HMCN1: variants seen among roughly 807,000 people sequenced by gnomAD.
The protein encoded by HMCN1 is hemicentin-1.
A neutral mutation model predicts 625.9 loss-of-function variants in HMCN1; 321 were observed. The ratio of observed to expected loss-of-function variants is 0.51; its 90% confidence interval spans 0.47 to 0.56. The LOEUF is 0.56. Among genes scored for constraint, HMCN1 ranks in the 20% least tolerant of loss-of-function variants. The probability of loss-of-function intolerance (pLI) is 0.00; values close to 1 mark genes in which losing one functional copy is unlikely to be tolerated. For synonymous variants in HMCN1, 2,425 were observed against 2,417.6 expected (o/e 1.00, Z -0.09); for missense variants, 6,588 against 6,887.3 (o/e 0.96, Z 1.54).
At chr1:186,063,493 G>A (rs868513165) in intron 48 of HMCN1, among the ~76,000 whole-genome samples, 4 of 143,414 alleles carry the variant, frequency 2.8e-5, no homozygotes, top group Non-Finnish European at 6.1e-5. Flanking sequence ...AAGGAAGGAA[G>A]GAAGGAAGGA....
intron 1 of HMCN1, among the ~76,000 whole-genome samples, chr1:185,841,555 T>C (rs1393327117): frequency 3.3e-5 from 5 of 152,168 alleles, no homozygotes; most frequent in Admixed American, 3.3e-4. Context: ...TCTTCTTTCT[T>C]TTTATTTTCC....
chr1:185,743,643 T>C (rs1277819139), intron 1 of HMCN1, among the ~76,000 whole-genome samples: 2 of 152,244 alleles, frequency 1.3e-5, no homozygotes, highest in Non-Finnish European at 2.9e-5. Context: ...ACAGGGATTC[T>C]CAACCTTGGT....
At chr1:186,067,610 G>GT (rs1340545354) in intron 49 of HMCN1, among the ~76,000 whole-genome samples, 9 of 151,820 alleles carry the variant, frequency 5.9e-5, no homozygotes, top group Non-Finnish European at 1.0e-4. Context: ...CTACATTGTG[G>GT]TTTTTTTATG....
chr1:186,127,802 A>C (rs111420529), intron 82 of HMCN1, among the ~76,000 whole-genome samples: 4 of 152,162 alleles, frequency 2.6e-5, no homozygotes, highest in Non-Finnish European at 4.4e-5. Context: ...GCAGCAATAC[A>C]CTTGATATCT....
chr1:186,053,759 C>A, intron 43 of HMCN1, 66 bp from the exon 44 acceptor site: 1 of 1,508,540 alleles, frequency 6.6e-7, no homozygotes, highest in Non-Finnish European at 9.2e-7. Context: ...AAATGTCATA[C>A]TTGGCAATGT....
chr1:186,000,601 G>A (rs74134275), intron 26 of HMCN1, among the ~76,000 whole-genome samples: 6,507 of 147,000 alleles, frequency 0.044, 487 homozygotes, highest in African/African-American at 0.16. Flanking sequence ...GTATGTATGT[G>A]TCTTCCCGGA....
intron 1 of HMCN1, among the ~76,000 whole-genome samples, chr1:185,761,337 G>C (rs572970416): frequency 9.9e-5 from 15 of 151,802 alleles, no homozygotes; most frequent in Admixed American, 9.2e-4. Flanking sequence ...ATGTGCTAAA[G>C]ATGTTTAGAC....
At chr1:185,942,975 C>T (rs992746751) in intron 11 of HMCN1, among the ~76,000 whole-genome samples, 1 of 151,580 alleles carries the variant, frequency 6.6e-6, no homozygotes, top group Non-Finnish European at 1.5e-5. Flanking sequence ...GTTTTTCCCT[C>T]TACTCACATA....
chr1:186,168,068 T>C (rs1459742878), intron 100 of HMCN1, among the ~76,000 whole-genome samples: 1 of 151,812 alleles, frequency 6.6e-6, no homozygotes, highest in African/African-American at 2.4e-5. Context: ...GTATGTATAA[T>C]TTTGCAGAAA....
At chr1:185,910,834 G>T (rs1666374987) in intron 5 of HMCN1, among the ~76,000 whole-genome samples, 1 of 152,132 alleles carries the variant, frequency 6.6e-6, no homozygotes, top group Non-Finnish European at 1.5e-5. Flanking sequence ...CTCCCAAAGT[G>T]TTGGGATTAC....
rs183421579 is a variant in HMCN1 at position 186,068,446 on chromosome 1, A to T, written c.7879+439A>T. 2.7e-3 allele frequency among the ~76,000 whole-genome samples: 412 copies of T among 152,324 alleles called. 5 individuals are homozygous for T. The highest frequency in any genetic ancestry group is 3.4e-3 in the Middle Eastern group (1 of 294). ...ATAAAGGATTATTTCTGGCTTTAAGAGACTGACAGTCTTATATTGAGAAGA... is the reference window on the plus strand; with the variant it reads ...ATAAAGGATTATTTCTGGCTTTAAGTGACTGACAGTCTTATATTGAGAAGA... On this transcript the variant is annotated intron_variant, in intron 50 of 106. Transcript: ENST00000271588.
chr1:185,954,674 G>T (rs920626834), intron 11 of HMCN1, among the ~76,000 whole-genome samples: 9 of 152,042 alleles, frequency 5.9e-5, no homozygotes, highest in Non-Finnish European at 1.0e-4. Context: ...AAAATCCTTG[G>T]GTTGCTGATT....
rs959275564 is a variant in HMCN1, at chr1:185,931,566, A to G, written c.1553-1983A>G. Among the ~76,000 whole-genome samples the G allele has an allele frequency of 7.9e-5, 12 of 152,222 alleles. 1 individual carries two copies. The South Asian group carries it at 2.5e-3, about 32-fold the overall frequency. On this transcript the variant is annotated intron_variant, in intron 10 of 106. Transcript: ENST00000271588. ...TACTTATTTGAATTTATATCTGAAGAGGAACTAGAATCTGGGGTGGAGTTT... is the reference window on the plus strand; with the variant it reads ...TACTTATTTGAATTTATATCTGAAGGGGAACTAGAATCTGGGGTGGAGTTT...
chr1:186,074,623 GT>G, intron 52 of HMCN1, 117 bp from the exon 53 acceptor site: 1 of 853,760 alleles, frequency 1.2e-6, no homozygotes, highest in Non-Finnish European at 1.9e-6. Flanking sequence ...TGTCATGAAT[GT>G]TTTGCATACA....
intron 97 of HMCN1, among the ~76,000 whole-genome samples, chr1:186,164,535 G>A (rs1651752666): frequency 6.6e-6 from 1 of 152,114 alleles, no homozygotes; most frequent in Non-Finnish European, 1.5e-5. Context: ...GAGCCACCAT[G>A]CCCGGCTAAC....
Position 185,982,477 on chromosome 1 carries a change from G to A in HMCN1, c.2790+88G>A, listed in dbSNP as rs1018447329. On this transcript the variant is annotated intron_variant, in intron 18 of 106. Transcript: ENST00000271588. ...TTTTTCTTTGAGACAGTTTCATTCT[G>A]TCACCTAGGCTGGAGTGCAGTGGTG... 3.9e-6 allele frequency: 5 copies of A among 1,273,146 alleles called. No individual in the cohort carries two copies. The African/African-American group carries it at 6.2e-5, about 16-fold the overall frequency. The allele number at this position is 1,273,146 out of a possible 1,614,324, so 78.9% of individuals were successfully genotyped here.
At chr1:186,013,228 T>C (rs929333538) in intron 30 of HMCN1, among the ~76,000 whole-genome samples, 4 of 152,202 alleles carry the variant, frequency 2.6e-5, no homozygotes, top group Non-Finnish European at 5.9e-5. Flanking sequence ...CAAAACTCTA[T>C]TGACACTAAA....
At chr1:185,994,709 A>C in intron 23 of HMCN1, 106 bp from the exon 24 acceptor site, 1 of 1,159,480 alleles carries the variant, frequency 8.6e-7, no homozygotes, top group Non-Finnish European at 1.3e-6. Flanking sequence ...TTCTGAAATT[A>C]TTTCACTTTT....
chr1:186,174,682 T>C, intron 103 of HMCN1, 40 bp downstream of exon 103: 1 of 1,608,930 alleles, frequency 6.2e-7, no homozygotes. Context: ...AAGCTACTGA[T>C]GTAGTTACCT....
Sources: gnomAD v4.1 joint callset for allele counts (sites outside exome capture counted in the v4.1 genomes callset) on GRCh38, gnomAD v4.1.1 for gene constraint, MANE v1.5 for transcripts, NCBI Gene and HGNC (gene_info 2026-07-23, HGNC 2026-07-21) for gene names.